Variants in LARGE1 observed in about 807,000 individuals in gnomAD.
The protein encoded by LARGE1 is LARGE xylosyl- and glucuronyltransferase 1, also known as xylosyl- and glucuronyltransferase LARGE1.
Under a neutral mutation model 87.6 loss-of-function variants are expected in LARGE1, and 43 were observed. That is an observed-to-expected ratio of 0.49 (90% CI 0.38 to 0.63). LARGE1 has a LOEUF of 0.63. LARGE1 is among the 30% of genes least tolerant of loss of function. LARGE1 has a pLI of 0.00. For missense variants in LARGE1, 802 were observed against 1,000.2 expected, an observed-to-expected ratio of 0.80 and a Z score of 2.67; for synonymous variants, 434 against 394.6, an observed-to-expected ratio of 1.10 and a Z score of -1.18.
chr22:33,705,933 T>C (rs1265823096), intron 2 of LARGE1, among the ~76,000 whole-genome samples: 2 of 152,220 alleles, frequency 1.3e-5, no homozygotes, highest in Non-Finnish European at 1.5e-5. Flanking sequence ...ACCATTAACA[T>C]GCCCAGTTTA....
the LARGE1 span, chr22:33,108,627 T>C: frequency 6.6e-6 from 1 of 152,098 alleles, no homozygotes; most frequent in Non-Finnish European, 1.5e-5. Flanking sequence ...TAGAATCCTG[T>C]AAGTACATCA....
At chr22:33,901,844 A>G in intron 1 of LARGE1, among the ~76,000 whole-genome samples, 1 of 152,158 alleles carries the variant, frequency 6.6e-6, no homozygotes, top group East Asian at 1.9e-4. Flanking sequence ...TTGTACTGAA[A>G]TTTCTGGTTT....
intron 11 of LARGE1, among the ~76,000 whole-genome samples, chr22:33,171,225 T>A (rs537769951): frequency 5.9e-5 from 9 of 152,338 alleles, no homozygotes; most frequent in African/African-American, 2.2e-4. Flanking sequence ...TTCAGTCATA[T>A]GGGTTCACGA....
intron 4 of LARGE1, among the ~76,000 whole-genome samples, chr22:33,611,890 T>A (rs546021473): frequency 6.6e-6 from 1 of 152,182 alleles, no homozygotes; most frequent in Non-Finnish European, 1.5e-5. Flanking sequence ...TCATGTGAGC[T>A]GGCTGTTTAA....
intron 10 of LARGE1, among the ~76,000 whole-genome samples, chr22:33,319,789 T>A (rs1419134377): frequency 6.6e-6 from 1 of 152,184 alleles, no homozygotes; most frequent in African/African-American, 2.4e-5. Flanking sequence ...GGCACTTTTT[T>A]ATTATGGGGA....
At chr22:33,723,339 G>T (rs2083166441) in intron 2 of LARGE1, among the ~76,000 whole-genome samples, 1 of 152,196 alleles carries the variant, frequency 6.6e-6, no homozygotes, top group Non-Finnish European at 1.5e-5. Flanking sequence ...GGGTCCAGGG[G>T]CAAAGGGAGG....
chr22:33,457,293 C>CTTTTTTTTTTTTTTTTTTTT (rs759460321), intron 6 of LARGE1, among the ~76,000 whole-genome samples: 7 of 74,930 alleles, frequency 9.3e-5, no homozygotes, highest in Admixed American at 3.6e-4. Context: ...ACGCCTGGCT[C>CTTTTTTTTTTTTTTTTTTTT]TTTTTTTTTT....
chr22:33,901,915 G>A (rs2065292675), intron 1 of LARGE1, among the ~76,000 whole-genome samples: 1 of 152,192 alleles, frequency 6.6e-6, no homozygotes, highest in African/African-American at 2.4e-5. Flanking sequence ...ACTACAATTT[G>A]AAAGCTGCTA....
At chr22:33,572,323 G>T in intron 5 of LARGE1, 1 of 498,366 alleles carries the variant, frequency 2.0e-6, no homozygotes. Context: ...AAACAGAAGT[G>T]GGGCGGGGCT....
chr22:33,396,056 A>G (rs971387754), intron 7 of LARGE1, among the ~76,000 whole-genome samples: 3 of 152,190 alleles, frequency 2.0e-5, no homozygotes, highest in Non-Finnish European at 4.4e-5. Context: ...CCTCTAATGC[A>G]GGATCCACTA....
intron 11 of LARGE1, among the ~76,000 whole-genome samples, chr22:33,257,310 A>G (rs1192459584): frequency 6.6e-6 from 1 of 152,214 alleles, no homozygotes; most frequent in African/African-American, 2.4e-5. Flanking sequence ...AGGTGGGTGG[A>G]TCACTTGAGC....
the LARGE1 span, among the ~76,000 whole-genome samples, chr22:33,128,060 A>G: frequency 0.21 from 31,548 of 152,122 alleles, 3,846 homozygotes; most frequent in African/African-American, 0.35. Context: ...GGTTCTGTTC[A>G]GAGAAAAACC....
chr22:33,125,945 A>G, the LARGE1 span, among the ~76,000 whole-genome samples: 2 of 151,930 alleles, frequency 1.3e-5, no homozygotes, highest in African/African-American at 4.8e-5. Flanking sequence ...ACGGGGTTTC[A>G]CTGTGTTGGC....
intron 4 of LARGE1, among the ~76,000 whole-genome samples, chr22:33,606,250 A>G (rs1468281827): frequency 6.6e-6 from 1 of 151,916 alleles, no homozygotes; most frequent in African/African-American, 2.4e-5. Context: ...CTAAAAACAC[A>G]AAAAATTAGC....
At chr22:33,368,388 G>C (rs748755029) in intron 9 of LARGE1, among the ~76,000 whole-genome samples, 1 of 152,032 alleles carries the variant, frequency 6.6e-6, no homozygotes, top group South Asian at 2.1e-4. Context: ...GCAAAAATTA[G>C]CCAGGCGTGG....
At chr22:33,387,435 A>AC (rs1214071661) in intron 7 of LARGE1, among the ~76,000 whole-genome samples, 2 of 151,234 alleles carry the variant, frequency 1.3e-5, no homozygotes, top group Non-Finnish European at 2.9e-5. Context: ...TCAAAAAAAA[A>AC]AAAAAAAAAA....
At chr22:33,581,841 C>T (rs1378379900) in intron 5 of LARGE1, among the ~76,000 whole-genome samples, 2 of 151,602 alleles carry the variant, frequency 1.3e-5, no homozygotes, top group African/African-American at 2.4e-5. Flanking sequence ...AGAATCTGAC[C>T]CATCAGTGTC....
the LARGE1 span, among the ~76,000 whole-genome samples, chr22:33,074,747 T>A: frequency 6.6e-6 from 1 of 152,150 alleles, no homozygotes; most frequent in Non-Finnish European, 1.5e-5. Context: ...TAAGCAGATC[T>A]ACAGAGGAGA....
At chr22:33,503,257 T>G (rs1436663279) in intron 6 of LARGE1, among the ~76,000 whole-genome samples, 4 of 149,986 alleles carry the variant, frequency 2.7e-5, no homozygotes, top group African/African-American at 9.9e-5. Context: ...TTTTTTTTTT[T>G]TGTTTTTTTT....
Sources: gnomAD v4.1 joint callset for allele counts (sites outside exome capture counted in the v4.1 genomes callset) on GRCh38, gnomAD v4.1.1 for gene constraint, MANE v1.5 for transcripts, NCBI Gene and HGNC (gene_info 2026-07-23, HGNC 2026-07-21) for gene names.